USH2A: variants seen among roughly 807,000 people sequenced by gnomAD.
USH2A encodes Usher syndrome 2A (autosomal recessive, mild).
In USH2A, 443 loss-of-function variants were observed where a neutral mutation model predicts 538.9. The ratio of observed to expected loss-of-function variants is 0.82; its 90% CI spans 0.76 to 0.89. The LOEUF (loss-of-function observed/expected upper bound fraction) is 0.89. Among genes scored for constraint, USH2A ranks in the 40% least tolerant of loss-of-function variants. The probability of loss-of-function intolerance (pLI) is 0.00; values close to 1 mark genes in which losing one functional copy is unlikely to be tolerated. For synonymous variants in USH2A, 2,413 were observed against 2,273.5 expected (o/e 1.06, Z -1.75); for missense variants, 6,633 against 6,324.8 (o/e 1.05, Z -1.65).
intron 3 of USH2A, among the ~76,000 whole-genome samples, chr1:216,392,447 G>A (rs939391753): frequency 1.4e-5 from 2 of 142,110 alleles, no homozygotes; most frequent in East Asian, 2.2e-4. Flanking sequence ...AGCTGAGATC[G>A]TGCCACTGCA....
intron 61 of USH2A, among the ~76,000 whole-genome samples, chr1:215,711,439 A>G (rs1017476773): frequency 6.6e-6 from 1 of 152,216 alleles, no homozygotes; most frequent in Non-Finnish European, 1.5e-5. Flanking sequence ...TGAAACTCTA[A>G]GGAAATACAA....
Position 215,623,574 on chromosome 1 carries a change from A to G in USH2A, c.*2207T>C, listed in dbSNP as rs547810766. On this transcript the variant is annotated 3_prime_UTR_variant, in exon 72 of 72. Transcript: ENST00000307340. ...ATCTTAGAGTTCTTCTCTGAAATAAATACAAGTAAACTTAGACATGTAGCA... is the reference window on the plus strand; with the variant it reads ...ATCTTAGAGTTCTTCTCTGAAATAAGTACAAGTAAACTTAGACATGTAGCA... The G allele has an allele frequency of 2.2e-4, 34 of 152,258 alleles. No individual in the cohort carries two copies. Among genetic ancestry groups the G allele is most frequent in the African/African-American group, 7.7e-4 (32 of 41,566 alleles). The allele number at this position is 152,258 out of a possible 1,614,324, so 9.4% of individuals were successfully genotyped here. A position where few individuals can be genotyped will look rare whatever the true frequency, so the allele number is the denominator to read the frequency against.
chr1:215,952,797 A>C (rs189495435), intron 37 of USH2A, among the ~76,000 whole-genome samples: 6 of 152,054 alleles, frequency 3.9e-5, no homozygotes, highest in Non-Finnish European at 5.9e-5. Context: ...ACCTTTCTCT[A>C]TGGCTGCCCT....
chr1:215,835,301 T>C (rs1452971501), intron 47 of USH2A, among the ~76,000 whole-genome samples: 1 of 151,932 alleles, frequency 6.6e-6, no homozygotes, highest in Non-Finnish European at 1.5e-5. Flanking sequence ...TGCTATTATC[T>C]GGAGGTATTT....
rs139139265 is a variant in USH2A, at chr1:215,657,287, G to T, written c.14134-6486C>A. ...CACTCACGCTAATGCCTTCTTAAAG[G>T]GTAGCTTGTCATAGGTTTTGAATAT... is the stretch of plus-strand genomic sequence containing the variant. On this transcript the variant is annotated intron_variant, in intron 64 of 71. Coordinates refer to ENST00000307340, the MANE Select transcript of USH2A (RefSeq NM_206933.4). 1.1e-4 allele frequency among the ~76,000 whole-genome samples: 17 copies of T among 152,286 alleles called. No homozygotes were observed. The East Asian group carries it at 3.1e-3, about 28-fold the overall frequency.
rs544775222 is a variant in USH2A at position 215,730,860 on chromosome 1, G to A, written c.11712-2476C>T. Among the ~76,000 whole-genome samples the A allele has an allele frequency of 9.9e-5, 15 of 152,278 alleles. No individual in the cohort carries two copies. The East Asian group carries it at 2.5e-3, about 26-fold the overall frequency. ...TCTGCACTCAGTGAAGGTTTGCAGGGTTTGGCCTTTGTACTTGCTACAGAT... is the reference window on the plus strand; with the variant it reads ...TCTGCACTCAGTGAAGGTTTGCAGGATTTGGCCTTTGTACTTGCTACAGAT... On this transcript the variant is annotated intron_variant, in intron 60 of 71. Coordinates refer to ENST00000307340, the MANE Select transcript of USH2A (RefSeq NM_206933.4).
In USH2A at chr1:216,071,423, G is replaced by A. The variant is rs144844791; in HGVS notation, c.5858-1131C>T. Among the ~76,000 whole-genome samples the A allele has an allele frequency of 1.3e-3, 192 of 152,246 alleles. 2 individuals are homozygous for A. Among genetic ancestry groups the A allele is most frequent in the South Asian group, 7.7e-3 (37 of 4,822 alleles). ...GGAGTGACGCTGATTTTATTAGTTC[G>A]GAAATGTGGTACAGGGCAAAGTACA... On this transcript the variant is annotated intron_variant, in intron 29 of 71. Coordinates refer to ENST00000307340, the MANE Select transcript of USH2A (RefSeq NM_206933.4).
chr1:215,996,179 G>A (rs1295828420), intron 34 of USH2A, among the ~76,000 whole-genome samples: 1 of 152,184 alleles, frequency 6.6e-6, no homozygotes, highest in Non-Finnish European at 1.5e-5. Context: ...CCAAAGTGCT[G>A]AGACTACAGA....
Position 216,244,876 on chromosome 1 carries a change from A to G in USH2A, c.2809+1709T>C, listed in dbSNP as rs187696019. ...TGTGACTTGTATTATACATACAATTAAAGTTAGACTGGAACAGTAAATTTT... is the reference window on the plus strand; with the variant it reads ...TGTGACTTGTATTATACATACAATTGAAGTTAGACTGGAACAGTAAATTTT... On this transcript the variant is annotated intron_variant, in intron 13 of 71. Transcript: ENST00000307340. Among the ~76,000 whole-genome samples the G allele has an allele frequency of 5.9e-5, 9 of 152,300 alleles. No homozygotes were observed. In the East Asian group the frequency reaches 7.7e-4, roughly 13 times the overall value.
At chr1:216,038,757 G>T (rs11578653) in intron 32 of USH2A, among the ~76,000 whole-genome samples, 1 of 151,832 alleles carries the variant, frequency 6.6e-6, no homozygotes, top group Non-Finnish European at 1.5e-5. Flanking sequence ...ACTTTAAAAC[G>T]TACATAAAAA....
At position 215,674,873 on chromosome 1, in the gene USH2A, G is replaced by A. The variant is rs778935639; in HGVS notation, c.13038C>T (p.Pro4346=). The stretch of plus-strand genomic sequence containing the variant: ...CAGCCTCCAGAGTTGTGATGCTGGT[G>A]GGTTTGCTGGTGGAGCATCCTCCAC... ...CTSGGCSTSK[P]TSITTLEAAP... The change falls in exon 63 of 72, where the codon CCC becomes CCT. Residue 4346 remains proline, a synonymous_variant. Coordinates refer to ENST00000307340, the MANE Select transcript of USH2A (RefSeq NM_206933.4). 6.2e-7 allele frequency: 1 copy of A among 1,614,106 alleles called. No individual in the cohort carries two copies. Among genetic ancestry groups the A allele is most frequent in the Admixed American group, 1.7e-5 (1 of 60,006 alleles).
intron 15 of USH2A, among the ~76,000 whole-genome samples, chr1:216,216,517 A>G (rs1206060607): frequency 6.6e-6 from 1 of 152,000 alleles, no homozygotes; most frequent in Non-Finnish European, 1.5e-5. Context: ...GTTTCCTATC[A>G]TTGTGACTCA....
At chr1:215,813,607 C>A in intron 49 of USH2A, 129 bp downstream of exon 49, 2 of 1,042,290 alleles carry the variant, frequency 1.9e-6, no homozygotes, top group Non-Finnish European at 3.0e-6. Flanking sequence ...TAGAGCAGGC[C>A]ATTGGCTATG....
At chr1:216,096,586 A>C (rs12089274) in intron 22 of USH2A, among the ~76,000 whole-genome samples, 53,222 of 151,722 alleles carry the variant, frequency 0.35, 10,388 homozygotes, top group African/African-American at 0.51. Flanking sequence ...AATTTATAAG[A>C]ATTTTAAATT....
At chr1:216,325,213 A>G in intron 6 of USH2A, 92 bp downstream of exon 6, 1 of 1,351,684 alleles carries the variant, frequency 7.4e-7, no homozygotes, top group East Asian at 2.3e-5. Context: ...ACTGTTAGGG[A>G]ATATATTTCT....
chr1:215,744,330 G>T (rs897186228), intron 58 of USH2A, among the ~76,000 whole-genome samples: 1 of 152,178 alleles, frequency 6.6e-6, no homozygotes. Flanking sequence ...AAGAAAGTAG[G>T]TCTTGTCAGT....
At chr1:215,925,321 TTTTA>T (rs1666210578) in intron 38 of USH2A, among the ~76,000 whole-genome samples, 1 of 152,172 alleles carries the variant, frequency 6.6e-6, no homozygotes, top group South Asian at 2.1e-4. Context: ...ACACTATTTA[TTTTA>T]TTAAGAATTT....
At chr1:215,722,067 TAAAA>T (rs35694146) in intron 61 of USH2A, among the ~76,000 whole-genome samples, 6 of 141,870 alleles carry the variant, frequency 4.2e-5, no homozygotes, top group Non-Finnish European at 6.1e-5. Context: ...CCTGTCTCTT[TAAAA>T]AAAAAAAAAA....
At chr1:216,240,393 G>A (rs2035914310) in intron 13 of USH2A, among the ~76,000 whole-genome samples, 2 of 151,864 alleles carry the variant, frequency 1.3e-5, no homozygotes, top group Non-Finnish European at 2.9e-5. Flanking sequence ...CTGTTTGGTC[G>A]AACATGAGTC....
Sources: allele counts gnomAD v4.1 joint callset (sites outside exome capture counted in the v4.1 genomes callset), GRCh38; gene constraint gnomAD v4.1.1; transcripts MANE v1.5; gene names NCBI Gene and HGNC (gene_info 2026-07-23, HGNC 2026-07-21).